MITD1: variants seen among roughly 807,000 people sequenced by gnomAD.
The protein encoded by MITD1 is MIT domain-containing protein 1.
In MITD1, 24 loss-of-function variants were observed where a neutral mutation model predicts 34.9. The observed-to-expected ratio is 0.69, with a 90% confidence interval of 0.50 to 0.97. The LOEUF (loss-of-function observed/expected upper bound fraction) is 0.97. Among genes scored for constraint, MITD1 ranks in the 50% least tolerant of loss-of-function variants. MITD1 has a pLI of 0.00. For missense variants in MITD1, 266 were observed against 294.6 expected, an observed-to-expected ratio of 0.90 and a Z score of 0.71; for synonymous variants, 102 against 101.4, an observed-to-expected ratio of 1.01 and a Z score of -0.04.
chr2:99,171,009 A>G (rs1233210916), intron 4 of MITD1: 2 of 286,146 alleles, frequency 7.0e-6, no homozygotes, highest in Non-Finnish European at 1.3e-5. Flanking sequence ...GCCCACTACC[A>G]TATCATATCA....
chr2:99,175,048 A>G (rs751010514), intron 1 of MITD1, among the ~76,000 whole-genome samples: 3 of 152,210 alleles, frequency 2.0e-5, no homozygotes, highest in Non-Finnish European at 4.4e-5. Context: ...TTAATCTCTC[A>G]TTTTAAAAAA....
intron 2 of MITD1, chr2:99,173,423 A>G (rs1223185251): frequency 2.2e-6 from 1 of 463,776 alleles, no homozygotes; most frequent in Non-Finnish European, 4.5e-6. Flanking sequence ...CCTGACCTCT[A>G]ATCATTAGGA....
At chr2:99,180,706 C>T in intron 1 of MITD1, 125 bp downstream of exon 1, 1 of 809,050 alleles carries the variant, frequency 1.2e-6, no homozygotes, top group South Asian at 1.6e-5. Context: ...GAATATCCCA[C>T]CTTCTGTATT....
chr2:99,169,663 A>C, intron 5 of MITD1, 53 bp from the exon 6 acceptor site: 1 of 1,443,332 alleles, frequency 6.9e-7, no homozygotes, highest in South Asian at 1.2e-5. Flanking sequence ...TCAGACTATT[A>C]ATAAAGCTGT....
chr2:99,178,700 T>A (rs1355819708), intron 1 of MITD1, among the ~76,000 whole-genome samples: 2 of 152,144 alleles, frequency 1.3e-5, no homozygotes, highest in African/African-American at 4.8e-5. Flanking sequence ...AATAAATATC[T>A]GTGAGAAAAG....
At chr2:99,174,124 A>G (rs547817729) in intron 1 of MITD1, 108 bp from the exon 2 acceptor site, 4 of 631,764 alleles carry the variant, frequency 6.3e-6, no homozygotes, top group Non-Finnish European at 1.1e-5. Context: ...ATCCTCTAGT[A>G]TGGCTTGCCT....
intron 1 of MITD1, among the ~76,000 whole-genome samples, chr2:99,177,586 G>A (rs2093895174): frequency 6.6e-6 from 1 of 151,966 alleles, no homozygotes; most frequent in African/African-American, 2.4e-5. Context: ...CTTCATTCTA[G>A]CTATGTTGAA....
At position 99,180,935 on chromosome 2, in the gene MITD1, G is replaced by C. The variant is rs753478942; in HGVS notation, c.47C>G (p.Ala16Gly). ...TTCTACTGCCCGCTTTAGCACAGTG[G>C]CTGCAGCTGTGCTCTGCGGGTCCTG... ...LRQDPQSTAA[A>G]TVLKRAVELD... Residue 16 changes from alanine (A) to glycine (G), a missense_variant, in exon 1 of 7, where the codon GCC becomes GGC. Physicochemically the swap from Ala to Gly is moderately conservative, Grantham distance 60. Transcript: ENST00000289359. The C allele has an allele frequency of 5.6e-6, 9 of 1,614,010 alleles. No individual in the cohort carries two copies. In the East Asian group the frequency reaches 1.8e-4, roughly 32 times the overall value.
chr2:99,177,295 G>A (rs2105228542), intron 1 of MITD1, among the ~76,000 whole-genome samples: 1 of 152,226 alleles, frequency 6.6e-6, no homozygotes, highest in African/African-American at 2.4e-5. Flanking sequence ...AGCCATCTTT[G>A]ATTCCCATTA....
Position 99,173,973 on chromosome 2 carries a change from A to T in MITD1, c.195T>A (p.Ile65=), listed in dbSNP as rs1242809536. 5 of 1,605,648 alleles carry T rather than the reference A, an allele frequency of 3.1e-6. No individual in the cohort carries two copies. The highest frequency in any genetic ancestry group is 4.3e-6 in the Non-Finnish European group (5 of 1,173,776). ...NTKRCNLREK[I]SKYMDRAENI... ...TTTCCGCTCTGTCCATGTATTTGGA[A>T]ATTTTTTCTCTGAGATTACATCTCT... Residue 65 remains isoleucine, a synonymous_variant, in exon 2 of 7, where the codon ATT becomes ATA. Transcript: ENST00000289359.
At chr2:99,180,196 TTTC>T (rs201009788) in intron 1 of MITD1, among the ~76,000 whole-genome samples, 1,633 of 152,318 alleles carry the variant, frequency 0.011, 10 homozygotes, top group Middle Eastern at 0.027. Flanking sequence ...AAGAAAAACT[TTTC>T]TTCTTCTACC....
downstream of MITD1, among the ~76,000 whole-genome samples, chr2:99,169,082 A>G (rs1009371623): frequency 6.8e-6 from 1 of 147,910 alleles, no homozygotes. Flanking sequence ...ATTAAGATCT[A>G]ATTCATCTTC....
In MITD1 at chr2:99,173,939, T is replaced by A; in HGVS notation, c.229A>T (p.Lys77Ter). ...KYMDRAENIK[K>*]YLDQEKEDGK... ...CCTTCTTTTTCTTGGTCCAAGTACT[T>A]CTTTATGTTTTCCGCTCTGTCCATG... Residue 77 changes from lysine (K) to a stop codon, truncating the protein, a stop_gained, in exon 2 of 7, where the codon AAG becomes TAG. Coordinates refer to ENST00000289359, the MANE Select transcript of MITD1 (RefSeq NM_138798.3). LOFTEE classifies it high-confidence loss of function. 2.5e-6 allele frequency: 4 copies of A among 1,608,652 alleles called. No homozygotes were observed. The highest frequency in any genetic ancestry group is 2.6e-6 in the Non-Finnish European group (3 of 1,175,370).
intron 2 of MITD1, chr2:99,172,882 A>G (rs1466665167): frequency 1.5e-5 from 2 of 137,276 alleles, no homozygotes; most frequent in Admixed American, 1.5e-4. Context: ...GACTCCGTCT[A>G]AAAAAAAAAA....
chr2:99,174,224 G>T (rs1033453267), intron 1 of MITD1, among the ~76,000 whole-genome samples: 1 of 152,154 alleles, frequency 6.6e-6, no homozygotes, highest in African/African-American at 2.4e-5. Context: ...CTTGGTTTAG[G>T]AGTGGGAGCT....
At chr2:99,170,821 A>G (rs921643475) in intron 4 of MITD1, 169 bp from the exon 5 acceptor site, 4 of 407,348 alleles carry the variant, frequency 9.8e-6, no homozygotes, top group Admixed American at 7.8e-5. Context: ...TTAAAGAGCA[A>G]TTATTTTTAT....
chr2:99,177,753 T>C (rs1270404654), intron 1 of MITD1, among the ~76,000 whole-genome samples: 1 of 152,132 alleles, frequency 6.6e-6, no homozygotes, highest in African/African-American at 2.4e-5. Flanking sequence ...TCCACCCACC[T>C]CAGTCTCCCA....
At chr2:99,165,693 G>T (rs1055245629), downstream of MITD1, among the ~76,000 whole-genome samples, 53 of 152,308 alleles carry the variant, frequency 3.5e-4, no homozygotes, top group African/African-American at 1.2e-3. Flanking sequence ...CTGGTAGGAG[G>T]TAGAGCCTAC....
At chr2:99,175,987 C>A (rs768780784) in intron 1 of MITD1, among the ~76,000 whole-genome samples, 23 of 152,312 alleles carry the variant, frequency 1.5e-4, no homozygotes, top group Admixed American at 4.6e-4. Context: ...GTCGCCCAGG[C>A]TGGAGTGCAG....
Sources: gnomAD v4.1 joint callset for allele counts (sites outside exome capture counted in the v4.1 genomes callset) on GRCh38, gnomAD v4.1.1 for gene constraint, MANE v1.5 for transcripts, NCBI Gene and HGNC (gene_info 2026-07-23, HGNC 2026-07-21) for gene names.